Variants in APBA1 observed in about 807,000 individuals in gnomAD.
APBA1 encodes the protein amyloid beta precursor protein binding family A member 1, also known as amyloid-beta A4 precursor protein-binding family A member 1.
APBA1 carries 55 observed loss-of-function variants against 86.6 expected under a neutral mutation model. The observed-to-expected ratio is 0.64, with a 90% CI of 0.51 to 0.80. The LOEUF (loss-of-function observed/expected upper bound fraction) is 0.80. Among genes scored for constraint, APBA1 ranks in the 30% least tolerant of loss-of-function variants. APBA1 has a pLI of 0.00. For synonymous variants in APBA1, 511 were observed against 493.9 expected, an observed-to-expected ratio of 1.03 and a Z score of -0.46; for missense variants, 1,090 against 1,183.0, an observed-to-expected ratio of 0.92 and a Z score of 1.15.
At chr9:69,594,139 C>T (rs545208976) in intron 1 of APBA1, among the ~76,000 whole-genome samples, 1 of 152,236 alleles carries the variant, frequency 6.6e-6, no homozygotes, top group African/African-American at 2.4e-5. Context: ...TCCAACTTTT[C>T]CCCTTGTAAA....
chr9:69,625,197 T>C (rs1259409991), intron 1 of APBA1, among the ~76,000 whole-genome samples: 1 of 152,172 alleles, frequency 6.6e-6, no homozygotes, highest in African/African-American at 2.4e-5. Context: ...TGCACCACTG[T>C]TCCTTCTGGA....
In APBA1 at chr9:69,516,248, C is replaced by A; in HGVS notation, c.963G>T (p.Gly321=). 7.2e-7 allele frequency: 1 copy of A among 1,388,474 alleles called. No homozygotes were observed. 86.0% of individuals were successfully genotyped at this position (1,388,474 alleles called of 1,614,324 possible). Residue 321 remains glycine, a synonymous_variant, in exon 2 of 13, where the codon GGG becomes GGT. Coordinates refer to ENST00000265381, the MANE Select transcript of APBA1 (RefSeq NM_001163.4). This position sits in a 1 kb window ranked among gnomAD's most constrained non-coding sequence, Gnocchi z 7.3. Reference sequence around the variant, plus strand: ...CCGCGGGGCCCACCGCCCGCTGCTGCCCCGCCGGCGCCTGCAGCCCGGGGC... The same window carrying A: ...CCGCGGGGCCCACCGCCCGCTGCTGACCCGCCGGCGCCTGCAGCCCGGGGC... ...PDSPGLQAPA[G]QQRAVGPAGG... is the part of the protein sequence containing the mutation.
chr9:69,621,176 A>T (rs1303985795), intron 1 of APBA1, among the ~76,000 whole-genome samples: 1 of 152,172 alleles, frequency 6.6e-6, no homozygotes, highest in Non-Finnish European at 1.5e-5. Context: ...ATTTAACTAA[A>T]AATACGGAAA....
chr9:69,528,427 A>G (rs1476237666), intron 1 of APBA1, among the ~76,000 whole-genome samples: 1 of 152,128 alleles, frequency 6.6e-6, no homozygotes, highest in East Asian at 1.9e-4. Context: ...AATACATGAA[A>G]TAAGCTTAAG....
In APBA1 at chr9:69,452,355, G is replaced by C. The variant is rs1468601999; in HGVS notation, c.1789-54C>G. Reference sequence around the variant, plus strand: ...GTCAGCAGGGCAGTGCACCTGGTGAGCGGCCTGGCGCACTTCCCACCTGAA... The same window carrying C: ...GTCAGCAGGGCAGTGCACCTGGTGACCGGCCTGGCGCACTTCCCACCTGAA... On this transcript the variant is annotated intron_variant, in intron 8 of 12. Transcript: ENST00000265381. 6 of 1,545,574 alleles carry C rather than the reference G, an allele frequency of 3.9e-6. No individual in the cohort carries two copies. In the Admixed American group the frequency reaches 6.8e-5, roughly 18 times the overall value.
rs57840127 is a variant in APBA1 at position 69,522,277 on chromosome 9, T to C, written c.-69-4998A>G. Among the ~76,000 whole-genome samples the C allele has an allele frequency of 9.0e-3, 1,371 of 152,114 alleles. 19 individuals carry two copies. The highest frequency in any genetic ancestry group is 0.031 in the African/African-American group (1,302 of 41,486). ...AGGTGGTAAAGGAATTTTTAGTAAC[T>C]GAAAAAGGAAAAATCTTTATCCCCC... On this transcript the variant is annotated intron_variant, in intron 1 of 12. Transcript: ENST00000265381.
At chr9:69,437,088 T>C (rs772389668) in intron 11 of APBA1, among the ~76,000 whole-genome samples, 3 of 151,894 alleles carry the variant, frequency 2.0e-5, no homozygotes, top group Non-Finnish European at 4.4e-5. Context: ...TTAATTGATT[T>C]TTGTATGTTG....
intron 1 of APBA1, among the ~76,000 whole-genome samples, chr9:69,647,242 TG>T (rs1156387757): frequency 6.6e-6 from 1 of 152,248 alleles, no homozygotes; most frequent in Non-Finnish European, 1.5e-5. Flanking sequence ...TGTTCAAGCC[TG>T]GAAAGCTTAT....
At chr9:69,548,949 C>T (rs1836741089) in intron 1 of APBA1, among the ~76,000 whole-genome samples, 1 of 152,170 alleles carries the variant, frequency 6.6e-6, no homozygotes, top group Admixed American at 6.5e-5. Flanking sequence ...CAGCTGAAGC[C>T]CTGAAATGCC....
At chr9:69,583,443 C>T (rs1413312462) in intron 1 of APBA1, among the ~76,000 whole-genome samples, 1 of 152,172 alleles carries the variant, frequency 6.6e-6, no homozygotes, top group Non-Finnish European at 1.5e-5. Context: ...GTGTTCATAG[C>T]TGTGACAACT....
intron 8 of APBA1, among the ~76,000 whole-genome samples, chr9:69,453,979 G>T (rs1419134263): frequency 6.6e-6 from 1 of 152,202 alleles, no homozygotes; most frequent in African/African-American, 2.4e-5. Context: ...AAGGGGCTGG[G>T]GGCTGAATCC....
chr9:69,654,572 A>C lies in APBA1; in HGVS notation c.-70+17581T>G, dbSNP rs1481077984. Among the ~76,000 whole-genome samples the C allele has an allele frequency of 2.0e-5, 3 of 152,186 alleles. No individual in the cohort carries two copies. In the South Asian group the frequency reaches 6.2e-4, roughly 32 times the overall value. On this transcript the variant is annotated intron_variant, in intron 1 of 12. Transcript: ENST00000265381. Reference sequence around the variant, plus strand: ...TTGAAGCAGTAATAAAATGTCCCCCATCAAGGAAAAGCCCAGGAACTGATG... The same window carrying C: ...TTGAAGCAGTAATAAAATGTCCCCCCTCAAGGAAAAGCCCAGGAACTGATG...
At chr9:69,497,649 C>T (rs1835820397) in intron 2 of APBA1, among the ~76,000 whole-genome samples, 2 of 152,148 alleles carry the variant, frequency 1.3e-5, no homozygotes. Flanking sequence ...ACTCCTCCTT[C>T]TGAGCAGTCC....
intron 1 of APBA1, among the ~76,000 whole-genome samples, chr9:69,580,146 C>T (rs1588375540): frequency 6.6e-6 from 1 of 152,088 alleles, no homozygotes; most frequent in Non-Finnish European, 1.5e-5. Flanking sequence ...ATTTTAAATA[C>T]CTGGATGGCC....
At chr9:69,471,614 C>T (rs1224383045) in intron 4 of APBA1, 42 bp downstream of exon 4, 3 of 1,565,904 alleles carry the variant, frequency 1.9e-6, no homozygotes, top group Non-Finnish European at 2.6e-6. Context: ...CTAAAAGATT[C>T]ATGAATGACT....
chr9:69,633,169 G>T (rs1823084543), intron 1 of APBA1, among the ~76,000 whole-genome samples: 1 of 148,846 alleles, frequency 6.7e-6, no homozygotes, highest in South Asian at 2.1e-4. Flanking sequence ...AAATCTCTTG[G>T]CCCCTTCAGG....
At chr9:69,598,098 G>A (rs1274290143) in intron 1 of APBA1, among the ~76,000 whole-genome samples, 2 of 151,882 alleles carry the variant, frequency 1.3e-5, no homozygotes, top group South Asian at 2.1e-4. Flanking sequence ...GGAATACTAT[G>A]CAGCCATAAA....
intron 1 of APBA1, among the ~76,000 whole-genome samples, chr9:69,525,616 AG>A (rs1317848841): frequency 2.0e-5 from 3 of 152,164 alleles, no homozygotes; most frequent in Non-Finnish European, 2.9e-5. Context: ...ATGGATTGAA[AG>A]AATCAGTATC....
intron 9 of APBA1, among the ~76,000 whole-genome samples, chr9:69,450,319 C>T (rs1375122739): frequency 1.3e-5 from 2 of 152,074 alleles, no homozygotes; most frequent in African/African-American, 2.4e-5. Flanking sequence ...GTTATCACAA[C>T]CAAAAGGCTG....
Sources: gnomAD v4.1 joint callset for allele counts (sites outside exome capture counted in the v4.1 genomes callset) on GRCh38, gnomAD v4.1.1 for gene constraint, Gnocchi (gnomAD v3.1) non-coding constraint, MANE v1.5 for transcripts, NCBI Gene and HGNC (gene_info 2026-07-23, HGNC 2026-07-21) for gene names.